The following NRXN3 variants were observed in gnomAD, a reference collection of about 807,000 sequenced individuals.
The protein encoded by NRXN3 is neurexin 3.
A neutral mutation model predicts 137.6 loss-of-function variants in NRXN3; 32 were observed. The observed-to-expected ratio is 0.23, with a 90% confidence interval of 0.18 to 0.31. The LOEUF (loss-of-function observed/expected upper bound fraction) is 0.31, where lower values mean the gene tolerates loss of function less well. Ranked by LOEUF, NRXN3 falls within the 10% of genes least tolerant of loss-of-function variation. NRXN3 has a pLI of 1.00. For missense variants in NRXN3, 1,574 were observed against 2,062.5 expected, an observed-to-expected ratio of 0.76 and a Z score of 4.59; for synonymous variants, 798 against 784.5, an observed-to-expected ratio of 1.02 and a Z score of -0.29.
chr14:79,094,499 G>A (rs1445149262), intron 15 of NRXN3, among the ~76,000 whole-genome samples: 1 of 152,180 alleles, frequency 6.6e-6, no homozygotes, highest in Non-Finnish European at 1.5e-5. Context: ...CTCTTACTCG[G>A]TCTAAAGTCC....
intron 15 of NRXN3, among the ~76,000 whole-genome samples, chr14:79,108,457 A>G (rs1207744268): frequency 1.3e-5 from 2 of 152,162 alleles, no homozygotes; most frequent in African/African-American, 4.8e-5. Context: ...AAAGCACTCA[A>G]TGGAGAACCA....
intron 15 of NRXN3, among the ~76,000 whole-genome samples, chr14:79,442,162 A>T (rs1214032509): frequency 6.6e-6 from 1 of 152,212 alleles, no homozygotes. Flanking sequence ...AAATAATACT[A>T]ATGCTAATAA....
chr14:78,873,954 G>A lies in NRXN3; in HGVS notation c.2275+63610G>A, dbSNP rs1489663636. Among the ~76,000 whole-genome samples the A allele has an allele frequency of 3.3e-5, 5 of 151,124 alleles. No homozygotes were observed. In the East Asian group the frequency reaches 9.7e-4, roughly 29 times the overall value. On this transcript the variant is annotated intron_variant, in intron 10 of 20. Coordinates refer to ENST00000335750, the MANE Select transcript of NRXN3 (RefSeq NM_001330195.2). ...CTGTAGTCAAGATCATAGGCACCAT[G>A]TGAAGTGATTTTCTTTTCTTTCTTT...
intron 15 of NRXN3, among the ~76,000 whole-genome samples, chr14:79,022,879 C>T (rs1345382864): frequency 6.6e-6 from 1 of 152,104 alleles, no homozygotes; most frequent in Non-Finnish European, 1.5e-5. Context: ...ATCAGGTAAT[C>T]GGTTATTTAT....
chr14:78,801,509 A>G (rs2098838838), intron 8 of NRXN3, among the ~76,000 whole-genome samples: 1 of 152,134 alleles, frequency 6.6e-6, no homozygotes, highest in Admixed American at 6.5e-5. Context: ...AAACACTTAC[A>G]AAACCATCAG....
At chr14:78,571,236 C>T (rs1468107501) in intron 4 of NRXN3, among the ~76,000 whole-genome samples, 1 of 152,286 alleles carries the variant, frequency 6.6e-6, no homozygotes, top group Non-Finnish European at 1.5e-5. Context: ...ACTGACCACT[C>T]TCTGGAGCAT....
chr14:79,703,413 G>A (rs759928241), intron 19 of NRXN3, among the ~76,000 whole-genome samples: 10 of 152,254 alleles, frequency 6.6e-5, no homozygotes, highest in Middle Eastern at 3.4e-3. Context: ...GTTGAAGAGC[G>A]TGGGCTTTTG....
rs574554864 is a variant in NRXN3, at chr14:78,572,416, G to A, written c.758-72704G>A. Among the ~76,000 whole-genome samples, 5 of 152,242 alleles carry A rather than the reference G, an allele frequency of 3.3e-5. No individual in the cohort carries two copies. In the South Asian group the frequency reaches 1.0e-3, roughly 32 times the overall value. ...CACCTTCAGTGTGTCGAGATGCCAG[G>A]GCCCTCTATGGCTTTTTGCACAGGG... is the stretch of plus-strand genomic sequence containing the variant. On this transcript the variant is annotated intron_variant, in intron 4 of 20. Coordinates refer to ENST00000335750, the MANE Select transcript of NRXN3 (RefSeq NM_001330195.2).
At chr14:79,064,801 A>ATG (rs1351803282) in intron 15 of NRXN3, among the ~76,000 whole-genome samples, 3 of 59,418 alleles carry the variant, frequency 5.0e-5, no homozygotes, top group African/African-American at 9.6e-5. Flanking sequence ...TTACCCATAT[A>ATG]TATGTGTGTG....
intron 10 of NRXN3, among the ~76,000 whole-genome samples, chr14:78,922,485 T>G (rs2099273393): frequency 6.6e-6 from 1 of 152,240 alleles, no homozygotes; most frequent in Non-Finnish European, 1.5e-5. Context: ...CAGATCAAGT[T>G]TACGCTGTGT....
intron 1 of NRXN3, among the ~76,000 whole-genome samples, chr14:78,237,616 A>C (rs1302920725): frequency 6.6e-6 from 1 of 152,208 alleles, no homozygotes; most frequent in African/African-American, 2.4e-5. Context: ...ACTCAAATTC[A>C]ACTTCAAGTC....
intron 15 of NRXN3, among the ~76,000 whole-genome samples, chr14:79,355,448 T>C (rs2093389653): frequency 6.6e-6 from 1 of 152,214 alleles, no homozygotes; most frequent in Non-Finnish European, 1.5e-5. Context: ...GTTCCTCGGC[T>C]CCGCATTTTG....
At chr14:79,782,211 G>A (rs2099115950) in intron 19 of NRXN3, among the ~76,000 whole-genome samples, 1 of 152,176 alleles carries the variant, frequency 6.6e-6, no homozygotes, top group African/African-American at 2.4e-5. Context: ...CTAATATTTA[G>A]AAGAATTGAA....
intron 8 of NRXN3, among the ~76,000 whole-genome samples, chr14:78,743,703 G>A (rs2098593453): frequency 6.6e-6 from 1 of 152,190 alleles, no homozygotes; most frequent in Admixed American, 6.5e-5. Flanking sequence ...GAGACATGGG[G>A]CAAAGGAGAG....
At chr14:78,722,200 G>A (rs1346213343) in intron 8 of NRXN3, among the ~76,000 whole-genome samples, 3 of 152,092 alleles carry the variant, frequency 2.0e-5, no homozygotes, top group Non-Finnish European at 4.4e-5. Flanking sequence ...TTTAAGAATC[G>A]ACACCTGCAT....
chr14:79,028,212 TG>T (rs1417851703), intron 15 of NRXN3, among the ~76,000 whole-genome samples: 7 of 152,136 alleles, frequency 4.6e-5, no homozygotes, highest in Non-Finnish European at 1.0e-4. Context: ...TTGGAAAACA[TG>T]GTGAGCCTAT....
intron 15 of NRXN3, among the ~76,000 whole-genome samples, chr14:79,418,462 C>A (rs2095529515): frequency 6.6e-6 from 1 of 152,096 alleles, no homozygotes; most frequent in Non-Finnish European, 1.5e-5. Context: ...CAATAAATAA[C>A]CATCCACAGT....
At chr14:79,438,230 C>G (rs920525093) in intron 15 of NRXN3, among the ~76,000 whole-genome samples, 1 of 152,194 alleles carries the variant, frequency 6.6e-6, no homozygotes, top group African/African-American at 2.4e-5. Flanking sequence ...CCTTATCAAT[C>G]ATTTGCCCTC....
rs543230176 is a variant in NRXN3 at position 79,115,624 on chromosome 14, G to A, written c.3262+127483G>A. On this transcript the variant is annotated intron_variant, in intron 15 of 20. Coordinates refer to ENST00000335750, the MANE Select transcript of NRXN3 (RefSeq NM_001330195.2). ...CTTTTGATTGGCCAGGGAGAAATGTGTCTTATTATTCCAAGTGAAAGTAAA... is the reference window on the plus strand; with the variant it reads ...CTTTTGATTGGCCAGGGAGAAATGTATCTTATTATTCCAAGTGAAAGTAAA... 2.0e-5 allele frequency among the ~76,000 whole-genome samples: 3 copies of A among 152,294 alleles called. No homozygotes were observed. The South Asian group carries it at 6.2e-4, about 32-fold the overall frequency.
Sources: gnomAD v4.1 joint callset for allele counts (sites outside exome capture counted in the v4.1 genomes callset) on GRCh38, gnomAD v4.1.1 for gene constraint, MANE v1.5 for transcripts, NCBI Gene and HGNC (gene_info 2026-07-23, HGNC 2026-07-21) for gene names.